The following ZC3H12C variants were observed in gnomAD, a reference collection of about 807,000 sequenced individuals.
The protein encoded by ZC3H12C is probable ribonuclease ZC3H12C.
ZC3H12C carries 20 observed loss-of-function variants against 76.3 expected under a neutral mutation model. The observed-to-expected ratio is 0.26, with a 90% CI of 0.18 to 0.38. ZC3H12C has a LOEUF of 0.38. Among genes scored for constraint, ZC3H12C ranks in the 10% least tolerant of loss-of-function variants. The probability of loss-of-function intolerance (pLI) is 1.00; values close to 1 mark genes in which losing one functional copy is unlikely to be tolerated. For synonymous variants in ZC3H12C, 352 were observed against 399.6 expected, an observed-to-expected ratio of 0.88 and a Z score of 1.42; for missense variants, 874 against 1,086.5, an observed-to-expected ratio of 0.80 and a Z score of 2.75.
chr11:110,130,326 T>G (rs1241368053), intron 1 of ZC3H12C, among the ~76,000 whole-genome samples: 1 of 152,236 alleles, frequency 6.6e-6, no homozygotes, highest in Non-Finnish European at 1.5e-5. Flanking sequence ...AAAAATCAGT[T>G]CTATTTGTGA....
chr11:110,125,789 C>T (rs1039109091), intron 1 of ZC3H12C, among the ~76,000 whole-genome samples: 3 of 152,218 alleles, frequency 2.0e-5, no homozygotes, highest in Non-Finnish European at 4.4e-5. Flanking sequence ...GGCCACAGTA[C>T]TAGGGCAAAC....
Position 110,099,109 on chromosome 11 carries a change from C to T in ZC3H12C, c.21+5677C>T, listed in dbSNP as rs569449666. Among the ~76,000 whole-genome samples, 125 of 152,220 alleles carry T rather than the reference C, an allele frequency of 8.2e-4. 1 individual carries two copies. In the South Asian group the frequency reaches 0.023, roughly 28 times the overall value. ...TCATGACATCTAAAAATATTTCTAACGTTGTGTTATTTAATCATTCTACTA... is the reference window on the plus strand; with the variant it reads ...TCATGACATCTAAAAATATTTCTAATGTTGTGTTATTTAATCATTCTACTA... On this transcript the variant is annotated intron_variant, in intron 1 of 5. Transcript: ENST00000278590.
rs931829011 is a variant in ZC3H12C, at chr11:110,152,458, T to C, written c.774-461T>C. 1.1e-4 allele frequency among the ~76,000 whole-genome samples: 17 copies of C among 152,360 alleles called. 1 individual carries two copies. Among genetic ancestry groups the C allele is most frequent in the African/African-American group, 2.9e-4 (12 of 41,594 alleles). ...TGTGCAGTATTCAGTCATTGAGTAT[T>C]GAAATATACACTAAGAACTTTTGAG... On this transcript the variant is annotated intron_variant, in intron 2 of 5. Transcript: ENST00000278590.
chr11:110,142,870 A>G (rs1591478457), intron 2 of ZC3H12C, among the ~76,000 whole-genome samples: 1 of 151,894 alleles, frequency 6.6e-6, no homozygotes, highest in Non-Finnish European at 1.5e-5. Context: ...TCCCTTCTCT[A>G]CTCCCCAGAA....
At position 110,165,822 on chromosome 11, in the gene ZC3H12C, T is replaced by C; in HGVS notation, c.*85T>C. The C allele has an allele frequency of 1.6e-6, 2 of 1,281,598 alleles. No homozygotes were observed. The highest frequency in any genetic ancestry group is 2.1e-6 in the Non-Finnish European group (2 of 941,086). 79.4% of individuals were successfully genotyped at this position (1,281,598 alleles called of 1,614,324 possible). A position where few individuals can be genotyped will look rare whatever the true frequency, so the allele number is the denominator to read the frequency against. ...GTTTGCTACAATAGCACATGTGATCTCCTTCTCAGCAAGGAGGTTATATAG... is the reference window on the plus strand; with the variant it reads ...GTTTGCTACAATAGCACATGTGATCCCCTTCTCAGCAAGGAGGTTATATAG... On this transcript the variant is annotated 3_prime_UTR_variant, in exon 6 of 6. Coordinates refer to ENST00000278590, the MANE Select transcript of ZC3H12C (RefSeq NM_033390.2).
In ZC3H12C at chr11:110,106,178, G is replaced by A. The variant is rs1417926946; in HGVS notation, c.21+12746G>A. Among the ~76,000 whole-genome samples the A allele has an allele frequency of 1.7e-4, 12 of 69,390 alleles. 4 individuals carry two copies. Among genetic ancestry groups the A allele is most frequent in the African/African-American group, 7.2e-4 (12 of 16,744 alleles). The allele number at this position is 69,390 out of a possible 152,430, so 45.5% of individuals were successfully genotyped here. A position where few individuals can be genotyped will look rare whatever the true frequency, so the allele number is the denominator to read the frequency against. On this transcript the variant is annotated intron_variant, in intron 1 of 5. Coordinates refer to ENST00000278590, the MANE Select transcript of ZC3H12C (RefSeq NM_033390.2). ...AGCTACTCGGGAGGCTGAGGCAGGA[G>A]AATGGCGTGAACCCGGGAGGCGGAG...
At chr11:110,155,924 T>A (rs1050642028) in intron 3 of ZC3H12C, among the ~76,000 whole-genome samples, 9 of 151,348 alleles carry the variant, frequency 5.9e-5, no homozygotes, top group African/African-American at 1.9e-4. Flanking sequence ...TAGAGTAAAT[T>A]AAAAAAAGGA....
intron 1 of ZC3H12C, among the ~76,000 whole-genome samples, chr11:110,120,302 T>C (rs543007793): frequency 1.3e-5 from 2 of 152,288 alleles, no homozygotes; most frequent in Non-Finnish European, 2.9e-5. Flanking sequence ...TTCATTAACA[T>C]TGAACTGATG....
At chr11:110,111,896 T>A (rs910700220) in intron 1 of ZC3H12C, among the ~76,000 whole-genome samples, 5 of 151,914 alleles carry the variant, frequency 3.3e-5, no homozygotes, top group Non-Finnish European at 7.4e-5. Flanking sequence ...TTTCCACAAA[T>A]GAGAAATAGG....
Position 110,147,961 on chromosome 11 carries a change from T to G in ZC3H12C, c.774-4958T>G, listed in dbSNP as rs186105188. On this transcript the variant is annotated intron_variant, in intron 2 of 5. Transcript: ENST00000278590. ...AGTTATCTCCAGAACCTGTAGCCAT[T>G]GGGAATCATCCATCCATCCAGAAGG... Among the ~76,000 whole-genome samples the G allele has an allele frequency of 2.0e-5, 3 of 152,296 alleles. No individual in the cohort carries two copies. The East Asian group carries it at 5.8e-4, about 29-fold the overall frequency.
rs1861980634 is a variant in ZC3H12C at position 110,137,173 on chromosome 11, C to G, written c.532C>G (p.Gln178Glu). The change falls in exon 2 of 6, where the codon CAG (glutamine) becomes GAG (glutamate). Residue 178 changes from glutamine to glutamate, a missense_variant. By Grantham distance (29) the Gln-to-Glu change is conservative. This residue lies in a region of ZC3H12C where 210 missense variants were observed against 227.1 expected (regional missense o/e 0.92). Transcript: ENST00000278590. ...FALKLGYSEE[Q>E]VQLVLNKLGT... ...ACTTAAGTTAGGTTATTCTGAAGAA[C>G]AGGTTCAGCTTGTACTAAACAAACT... 6 of 1,613,708 alleles carry G rather than the reference C, an allele frequency of 3.7e-6. No homozygotes were observed. The highest frequency in any genetic ancestry group is 3.3e-5 in the Admixed American group (2 of 59,962).
intron 2 of ZC3H12C, among the ~76,000 whole-genome samples, chr11:110,141,630 A>G (rs1321537010): frequency 6.6e-6 from 1 of 152,166 alleles, no homozygotes; most frequent in Non-Finnish European, 1.5e-5. Context: ...GAGACTAAAA[A>G]TTGCCGGAAT....
chr11:110,129,323 T>C (rs1861816867), intron 1 of ZC3H12C, among the ~76,000 whole-genome samples: 1 of 152,210 alleles, frequency 6.6e-6, no homozygotes, highest in Non-Finnish European at 1.5e-5. Context: ...GAAACAATAA[T>C]AATTTTCAGT....
At position 110,131,125 on chromosome 11, in the gene ZC3H12C, T is replaced by G; in HGVS notation, c.22-5538T>G. On this transcript the variant is annotated intron_variant, in intron 1 of 5. Coordinates refer to ENST00000278590, the MANE Select transcript of ZC3H12C (RefSeq NM_033390.2). Reference sequence around the variant, plus strand: ...TGCTAACGTGAGTATTTGTGCTACTTTAATGCCTTGGAAGTTAAACTTTGC... The same window carrying G: ...TGCTAACGTGAGTATTTGTGCTACTGTAATGCCTTGGAAGTTAAACTTTGC... 4 of 1,513,786 alleles carry G rather than the reference T, an allele frequency of 2.6e-6. No individual in the cohort carries two copies. The South Asian group carries it at 3.6e-5, about 14-fold the overall frequency. 93.8% of individuals were successfully genotyped at this position (1,513,786 alleles called of 1,614,324 possible).
Position 110,129,803 on chromosome 11 carries a change from T to A in ZC3H12C, c.22-6860T>A, listed in dbSNP as rs182325261. Among the ~76,000 whole-genome samples, 49 of 126,458 alleles carry A rather than the reference T, an allele frequency of 3.9e-4. 1 individual carries two copies. The East Asian group carries it at 6.3e-3, about 16-fold the overall frequency. The allele number at this position is 126,458 out of a possible 152,430, so 83.0% of individuals were successfully genotyped here. On this transcript the variant is annotated intron_variant, in intron 1 of 5. Coordinates refer to ENST00000278590, the MANE Select transcript of ZC3H12C (RefSeq NM_033390.2). ...GAAATATCCTTACAATGCCTTATAG[T>A]ATTTACATTTTGATTGATTTTTTTT...
rs1221837887 is a variant in ZC3H12C at position 110,165,669 on chromosome 11, C to T, written c.2584C>T (p.Pro862Ser). The change falls in exon 6 of 6, where the codon CCT (proline) becomes TCT (serine). Residue 862 changes from proline to serine, a missense_variant. By Grantham distance (74) the Pro-to-Ser change is moderately conservative (BLOSUM62 -1). This residue lies in a region of ZC3H12C where 395 missense variants were observed against 434.4 expected (regional missense o/e 0.91). Coordinates refer to ENST00000278590, the MANE Select transcript of ZC3H12C (RefSeq NM_033390.2). ...DLVRIVMKRNPHMTDAQQLAA... is the reference protein window; with the variant it reads ...DLVRIVMKRNSHMTDAQQLAA... Reference sequence around the variant, plus strand: ...TGTGAGAATTGTCATGAAAAGGAATCCTCACATGACAGACGCCCAGCAGCT... The same window carrying T: ...TGTGAGAATTGTCATGAAAAGGAATTCTCACATGACAGACGCCCAGCAGCT... 6.3e-6 allele frequency: 10 copies of T among 1,598,096 alleles called. No homozygotes were observed. Among genetic ancestry groups the T allele is most frequent in the Non-Finnish European group, 6.8e-6 (8 of 1,171,824 alleles).
chr11:110,142,004 T>C (rs1862074961), intron 2 of ZC3H12C, among the ~76,000 whole-genome samples: 1 of 152,200 alleles, frequency 6.6e-6, no homozygotes, highest in Non-Finnish European at 1.5e-5. Flanking sequence ...GAAGTAACAT[T>C]CATTAAAGGA....
chr11:110,120,995 A>G (rs1473106624), intron 1 of ZC3H12C, among the ~76,000 whole-genome samples: 1 of 152,198 alleles, frequency 6.6e-6, no homozygotes, highest in African/African-American at 2.4e-5. Flanking sequence ...TCTGAAGTCA[A>G]TTTCCGTAAC....
chr11:110,132,574 C>A (rs1024171814), intron 1 of ZC3H12C, among the ~76,000 whole-genome samples: 5 of 152,134 alleles, frequency 3.3e-5, no homozygotes, highest in Admixed American at 2.6e-4. Context: ...GAAATCTTCA[C>A]AAATCACTAT....
Sources: allele counts gnomAD v4.1 joint callset (sites outside exome capture counted in the v4.1 genomes callset), GRCh38; gene constraint gnomAD v4.1.1; regional missense constraint gnomAD v4.1.1; transcripts MANE v1.5; gene names NCBI Gene and HGNC (gene_info 2026-07-23, HGNC 2026-07-21).